STAG2: variants seen among roughly 807,000 people sequenced by gnomAD.
STAG2 encodes the protein cohesin subunit SA-2.
In STAG2, 14 loss-of-function variants were observed where a neutral mutation model predicts 108.1. The observed-to-expected ratio is 0.13, with a 90% CI of 0.09 to 0.20. The LOEUF (loss-of-function observed/expected upper bound fraction) is 0.20. Ranked by LOEUF, STAG2 falls within the 10% of genes least tolerant of loss-of-function variation. STAG2 has a pLI of 1.00. For missense variants in STAG2, 440 were observed against 940.9 expected (o/e 0.47, Z 6.96); for synonymous variants, 307 against 302.7 (o/e 1.01, Z -0.15).
chrX:124,045,351 A>G lies in STAG2; in HGVS notation c.650A>G (p.His217Arg). The change falls in exon 8 of 35, where the codon CAT (histidine) becomes CGT (arginine). Residue 217 changes from histidine to arginine, a missense_variant. This residue lies in a region of STAG2 where 69 missense variants were observed against 254.9 expected (regional missense o/e 0.27). Transcript: ENST00000371145. Reference protein sequence around the residue: ...LSDSQVRAFRHTSTLAAMKLM... With the variant: ...LSDSQVRAFRRTSTLAAMKLM... ...GACTCACAAGTCAGAGCATTTCGAC[A>G]TACAAGCACCCTGGCAGGTCGGTAT... is the stretch of plus-strand genomic sequence containing the variant. 1 of 1,207,767 alleles carries G rather than the reference A, an allele frequency of 8.3e-7. No individual in the cohort carries two copies.
At chrX:123,999,762 G>A (rs1335561559) in intron 1 of STAG2, among the ~76,000 whole-genome samples, 6 of 110,360 alleles carry the variant, frequency 5.4e-5, no homozygotes, top group African/African-American at 2.0e-4. Flanking sequence ...CTAGAGATGT[G>A]TGTCACCATG....
At chrX:124,041,089 G>A (rs1408070441) in intron 6 of STAG2, among the ~76,000 whole-genome samples, 1 of 108,928 alleles carries the variant, frequency 9.2e-6, no homozygotes, top group African/African-American at 3.3e-5. Context: ...GACCTCAAGT[G>A]ACTCGCCCGC....
chrX:123,986,991 AT>A lies in STAG2; in HGVS notation c.-163+25145del, dbSNP rs767415512. On this transcript the variant is annotated intron_variant, in intron 1 of 34. Coordinates refer to ENST00000371145, the MANE Select transcript of STAG2 (RefSeq NM_001042750.2). ...ACCATGTCCAGCTACTTAAAAAAAA[AT>A]TTTTTTTTTAATTTTTTTTAGACGG... 1.3e-4 allele frequency among the ~76,000 whole-genome samples: 14 copies of A among 106,447 alleles called. No individual in the cohort carries two copies. In the East Asian group the frequency reaches 3.0e-3, roughly 23 times the overall value. The allele number at this position is 106,447 out of a possible 115,157, so 92.4% of individuals were successfully genotyped here. A position where few individuals can be genotyped will look rare whatever the true frequency, so the allele number is the denominator to read the frequency against.
rs2148446783 is a variant in STAG2 at position 124,083,561 on chromosome X, C to T, written c.3053+12C>T. The T allele has an allele frequency of 8.8e-7, 1 of 1,140,281 alleles. No homozygotes were observed. Among genetic ancestry groups the T allele is most frequent in the Non-Finnish European group, 1.2e-6 (1 of 857,220 alleles). 94.0% of individuals were successfully genotyped at this position (1,140,281 alleles called of 1,213,427 possible). On this transcript the variant is annotated intron_variant, in intron 29 of 34. Coordinates refer to ENST00000371145, the MANE Select transcript of STAG2 (RefSeq NM_001042750.2). ...GACAAAAGAACAGTGTATGTATTTG[C>T]TGGAAATGTCCTATTTAATTTCATT...
chrX:123,987,629 A>T (rs2055260594), intron 1 of STAG2, among the ~76,000 whole-genome samples: 1 of 112,189 alleles, frequency 8.9e-6, no homozygotes. Context: ...ATAACTTTTC[A>T]AGGAATAGGT....
intron 1 of STAG2, among the ~76,000 whole-genome samples, chrX:123,976,771 A>G (rs772999027): frequency 1.1e-4 from 12 of 111,971 alleles, no homozygotes; most frequent in Non-Finnish European, 2.1e-4. Context: ...CAGAATTGTT[A>G]GAGACTTGCC....
At chrX:124,071,529 C>T (rs781452958) in intron 25 of STAG2, among the ~76,000 whole-genome samples, 4 of 111,555 alleles carry the variant, frequency 3.6e-5, no homozygotes, top group East Asian at 2.8e-4. Context: ...CAAGTCAGAT[C>T]GCTGCTTCTC....
At chrX:123,980,992 T>G (rs2054848027) in intron 1 of STAG2, among the ~76,000 whole-genome samples, 1 of 111,501 alleles carries the variant, frequency 9.0e-6, no homozygotes, top group Admixed American at 9.6e-5. Flanking sequence ...CTAACTTGGG[T>G]AGAAATAATG....
intron 1 of STAG2, among the ~76,000 whole-genome samples, chrX:124,017,123 A>C (rs746265957): frequency 9.0e-6 from 1 of 111,013 alleles, no homozygotes; most frequent in South Asian, 3.8e-4. Context: ...TATTATTAAT[A>C]TATGGATTCT....
rs142000820 is a variant in STAG2, at chrX:124,057,165, A to G, written c.1305-701A>G. Among the ~76,000 whole-genome samples the G allele has an allele frequency of 1.2e-3, 131 of 112,452 alleles. 1 individual carries two copies. In the East Asian group the frequency reaches 0.033, roughly 28 times the overall value. On this transcript the variant is annotated intron_variant, in intron 14 of 34. Coordinates refer to ENST00000371145, the MANE Select transcript of STAG2 (RefSeq NM_001042750.2). ...ACAGTCTCTTTACTTTTGTGATCCT[A>G]TTTAACTCAGATTAGGTAGTATGAG...
intron 8 of STAG2, 77 bp from the exon 9 acceptor site, chrX:124,047,277 A>G (rs763587866): frequency 3.3e-6 from 3 of 904,539 alleles, no homozygotes; most frequent in Non-Finnish European, 4.5e-6. Context: ...TCTGCTTAAT[A>G]TTTCTATTTG....
intron 4 of STAG2, among the ~76,000 whole-genome samples, chrX:124,026,350 AAT>A (rs1216417730): frequency 9.0e-6 from 1 of 110,943 alleles, no homozygotes; most frequent in East Asian, 2.8e-4. Flanking sequence ...TACAAATGAC[AAT>A]AGTTTTACTC....
intron 34 of STAG2, among the ~76,000 whole-genome samples, chrX:124,098,065 T>C (rs12840512): frequency 0.034 from 3,694 of 109,537 alleles, 63 homozygotes; most frequent in Non-Finnish European, 0.048. Flanking sequence ...AACAGCAATA[T>C]TAACTATGTG....
chrX:124,102,311 T>TC lies in STAG2; in HGVS notation c.*1715dup. ...ATTTTAAACCTAAGTTGATTTTTTT[T>TC]CTCACTCTTGAAAGGAGTACTTCTT... On this transcript the variant is annotated 3_prime_UTR_variant, in exon 35 of 35. Coordinates refer to ENST00000371145, the MANE Select transcript of STAG2 (RefSeq NM_001042750.2). The TC allele has an allele frequency of 6.3e-6, 1 of 159,316 alleles. No individual in the cohort carries two copies. Among genetic ancestry groups the TC allele is most frequent in the African/African-American group, 3.0e-5 (1 of 33,627 alleles). 13.1% of individuals were successfully genotyped at this position (159,316 alleles called of 1,213,427 possible).
At chrX:124,064,263 C>G (rs1319014209) in intron 20 of STAG2, among the ~76,000 whole-genome samples, 3 of 111,031 alleles carry the variant, frequency 2.7e-5, no homozygotes, top group Non-Finnish European at 3.8e-5. Flanking sequence ...GAAAGCAAAA[C>G]TAACATCTTT....
intron 5 of STAG2, among the ~76,000 whole-genome samples, chrX:124,031,560 GTTTT>G (rs1417741491): frequency 5.5e-5 from 4 of 72,650 alleles, no homozygotes; most frequent in African/African-American, 1.2e-4. Flanking sequence ...TGTTTTTTTT[GTTTT>G]TTTGTTTTTT....
At chrX:124,016,372 T>A (rs1294911021) in intron 1 of STAG2, among the ~76,000 whole-genome samples, 2 of 111,942 alleles carry the variant, frequency 1.8e-5, no homozygotes, top group Non-Finnish European at 3.8e-5. Flanking sequence ...TTTTTTGTAC[T>A]AACAATAAGA....
chrX:124,045,413 A>AT (rs1453919414), intron 8 of STAG2, 45 bp downstream of exon 8: 1 of 1,030,553 alleles, frequency 9.7e-7, no homozygotes, highest in African/African-American at 1.9e-5. Flanking sequence ...TAGATTTGAG[A>AT]TGAAAAAGAT....
intron 25 of STAG2, among the ~76,000 whole-genome samples, chrX:124,071,540 A>G (rs1051315021): frequency 1.3e-4 from 15 of 111,755 alleles, no homozygotes; most frequent in African/African-American, 4.9e-4. Flanking sequence ...GCTGCTTCTC[A>G]CTAGCACTGA....
Sources: allele counts gnomAD v4.1 joint callset (sites outside exome capture counted in the v4.1 genomes callset), GRCh38; gene constraint gnomAD v4.1.1; regional missense constraint gnomAD v4.1.1; transcripts MANE v1.5; gene names NCBI Gene and HGNC (gene_info 2026-07-23, HGNC 2026-07-21).